The following NPAS2 variants were observed in gnomAD, a reference collection of about 807,000 sequenced individuals.
The protein encoded by NPAS2 is neuronal PAS domain-containing protein 2.
A neutral mutation model predicts 107.5 loss-of-function variants in NPAS2; 23 were observed. The ratio of observed to expected loss-of-function variants is 0.21; its 90% confidence interval spans 0.15 to 0.30. The LOEUF (loss-of-function observed/expected upper bound fraction) is 0.30, where lower values mean the gene tolerates loss of function less well. Among genes scored for constraint, NPAS2 ranks in the 10% least tolerant of loss-of-function variants. The probability of loss-of-function intolerance (pLI) is 1.00; values close to 1 mark genes in which losing one functional copy is unlikely to be tolerated. For missense variants in NPAS2, 756 were observed against 1,043.3 expected (o/e 0.72, Z 3.79); for synonymous variants, 403 against 417.5 (o/e 0.97, Z 0.42).
chr2:100,969,351 C>T (rs753824156), intron 11 of NPAS2, among the ~76,000 whole-genome samples: 1 of 152,140 alleles, frequency 6.6e-6, no homozygotes, highest in Non-Finnish European at 1.5e-5. Context: ...CTCCACTTGT[C>T]CCCTACCACC....
chr2:100,828,211 A>G (rs999112181), intron 1 of NPAS2, among the ~76,000 whole-genome samples: 1 of 152,004 alleles, frequency 6.6e-6, no homozygotes, highest in Non-Finnish European at 1.5e-5. Flanking sequence ...TCTTTTGAGA[A>G]GTGTCTGTTC....
intron 2 of NPAS2, among the ~76,000 whole-genome samples, chr2:100,924,462 C>A (rs1296398510): frequency 2.0e-5 from 3 of 152,252 alleles, no homozygotes; most frequent in Non-Finnish European, 4.4e-5. Context: ...CATATACTTG[C>A]TATCATACAG....
rs1028116911 is a variant in NPAS2 at position 100,968,504 on chromosome 2, A to G, written c.1055+76A>G. On this transcript the variant is annotated intron_variant, in intron 11 of 20. Transcript: ENST00000335681. This position sits in a 1 kb window ranked among gnomAD's most constrained non-coding sequence, Gnocchi z 5.3. The stretch of plus-strand genomic sequence containing the variant: ...GGGGTGCAGGATGGCGTGGCCCCTG[A>G]TGGCCAAGTCAGATCAGCAGTCACT... 4.2e-6 allele frequency: 6 copies of G among 1,430,052 alleles called. No individual in the cohort carries two copies. Among genetic ancestry groups the G allele is most frequent in the Non-Finnish European group, 5.8e-6 (6 of 1,035,382 alleles). 88.6% of individuals were successfully genotyped at this position (1,430,052 alleles called of 1,614,324 possible).
intron 3 of NPAS2, among the ~76,000 whole-genome samples, chr2:100,930,628 TTAATATGC>T (rs1251101345): frequency 6.6e-6 from 1 of 152,020 alleles, no homozygotes; most frequent in African/African-American, 2.4e-5. Flanking sequence ...ACATATTTTT[TTAATATGC>T]TATGAAATGA....
chr2:100,922,364 C>G (rs1470182995), intron 2 of NPAS2, among the ~76,000 whole-genome samples: 2 of 152,008 alleles, frequency 1.3e-5, no homozygotes, highest in African/African-American at 2.4e-5. Context: ...GGTGGATCAC[C>G]TGAGGTCAGG....
chr2:100,867,501 A>G (rs1219250770), intron 1 of NPAS2, among the ~76,000 whole-genome samples: 1 of 152,120 alleles, frequency 6.6e-6, no homozygotes, highest in East Asian at 1.9e-4. Flanking sequence ...ACATTAACAG[A>G]TGTATGGTAG....
intron 1 of NPAS2, among the ~76,000 whole-genome samples, chr2:100,857,233 G>A (rs1480103711): frequency 6.6e-6 from 1 of 151,370 alleles, no homozygotes; most frequent in East Asian, 1.9e-4. Context: ...AGGAGGCGGA[G>A]GTTGCAGTGA....
chr2:100,836,742 GC>G (rs1677097304), intron 1 of NPAS2, among the ~76,000 whole-genome samples: 1 of 152,158 alleles, frequency 6.6e-6, no homozygotes, highest in Non-Finnish European at 1.5e-5. Context: ...TTGCAGCTTT[GC>G]CCCGTCGTGA....
intron 1 of NPAS2, chr2:100,822,624 T>C (rs1027349668): frequency 6.6e-6 from 1 of 152,244 alleles, no homozygotes; most frequent in Admixed American, 6.5e-5. Context: ...CATCTTTATA[T>C]GTTCATTTTT....
At chr2:100,833,482 A>G (rs551918640) in intron 1 of NPAS2, among the ~76,000 whole-genome samples, 53 of 152,218 alleles carry the variant, frequency 3.5e-4, no homozygotes, top group Non-Finnish European at 5.7e-4. Flanking sequence ...CAGACAAGGT[A>G]CATTCTAGCA....
chr2:100,822,739 C>G (rs772693700), intron 1 of NPAS2: 1 of 152,114 alleles, frequency 6.6e-6, no homozygotes, highest in Admixed American at 6.5e-5. Flanking sequence ...GTCGGTTCTC[C>G]CAGTGTGATC....
At chr2:100,953,119 T>C (rs1675337793) in intron 7 of NPAS2, among the ~76,000 whole-genome samples, 2 of 138,800 alleles carry the variant, frequency 1.4e-5, no homozygotes, top group South Asian at 5.0e-4. Flanking sequence ...CTCACACCTG[T>C]AATCCCAGCC....
intron 1 of NPAS2, among the ~76,000 whole-genome samples, chr2:100,879,908 C>G (rs1263662705): frequency 6.6e-6 from 1 of 152,192 alleles, no homozygotes; most frequent in Non-Finnish European, 1.5e-5. Flanking sequence ...CGGCTGAGGG[C>G]TGGTCCCTCC....
chr2:100,953,548 G>A (rs1417296801), intron 7 of NPAS2, among the ~76,000 whole-genome samples: 1 of 152,090 alleles, frequency 6.6e-6, no homozygotes, highest in Non-Finnish European at 1.5e-5. Flanking sequence ...TGCTTTCTAA[G>A]CACCCGGCCC....
intron 1 of NPAS2, among the ~76,000 whole-genome samples, chr2:100,872,687 C>T (rs1434125405): frequency 2.0e-5 from 3 of 152,076 alleles, no homozygotes; most frequent in African/African-American, 7.2e-5. Flanking sequence ...ACCTAGTGGC[C>T]ATCCTCAGCA....
In NPAS2 at chr2:100,871,003, T is replaced by C. The variant is rs190765866; in HGVS notation, c.-22-33730T>C. ...TTGTGCTTTCCTGTTAACGCTGTTC[T>C]GACAGCCTTCTGCCAGCTAGCCTGG... On this transcript the variant is annotated intron_variant, in intron 1 of 20. Coordinates refer to ENST00000335681, the MANE Select transcript of NPAS2 (RefSeq NM_002518.4). 4.4e-3 allele frequency among the ~76,000 whole-genome samples: 665 copies of C among 152,320 alleles called. 13 individuals carry two copies. The highest frequency in any genetic ancestry group is 0.013 in the East Asian group (68 of 5,164).
chr2:100,877,765 T>C (rs1470256265), intron 1 of NPAS2, among the ~76,000 whole-genome samples: 1 of 152,180 alleles, frequency 6.6e-6, no homozygotes, highest in African/African-American at 2.4e-5. Flanking sequence ...CCGAAGCAGC[T>C]TGGCTTGGCA....
intron 1 of NPAS2, among the ~76,000 whole-genome samples, chr2:100,848,924 C>T (rs897234451): frequency 3.9e-5 from 6 of 152,212 alleles, no homozygotes; most frequent in African/African-American, 7.2e-5. Flanking sequence ...AAATCCCTGC[C>T]GTGGGGCGCA....
Position 100,873,071 on chromosome 2 carries a change from G to A in NPAS2, c.-22-31662G>A, listed in dbSNP as rs570214924. On this transcript the variant is annotated intron_variant, in intron 1 of 20. Coordinates refer to ENST00000335681, the MANE Select transcript of NPAS2 (RefSeq NM_002518.4). ...TAACCCTAGCACTTTGGGAGGCTGG[G>A]GTGGGCAGATCACTTGAGGTCAGAA... Among the ~76,000 whole-genome samples the A allele has an allele frequency of 4.0e-5, 6 of 151,464 alleles. No individual in the cohort carries two copies. In the South Asian group the frequency reaches 1.3e-3, roughly 32 times the overall value.
Sources: gnomAD v4.1 joint callset for allele counts (sites outside exome capture counted in the v4.1 genomes callset) on GRCh38, gnomAD v4.1.1 for gene constraint, Gnocchi (gnomAD v3.1) non-coding constraint, MANE v1.5 for transcripts, NCBI Gene and HGNC (gene_info 2026-07-23, HGNC 2026-07-21) for gene names.